TSGA13: variants seen among roughly 807,000 people sequenced by gnomAD.
TSGA13 encodes testis-specific gene 13 protein.
In TSGA13, 37 loss-of-function variants were observed where a neutral mutation model predicts 35.1. The observed-to-expected ratio is 1.05, with a 90% CI of 0.81 to 1.39. The LOEUF (loss-of-function observed/expected upper bound fraction) is 1.39, where lower values mean the gene tolerates loss of function less well. TSGA13 is among the 40% of genes most tolerant of loss of function. TSGA13 has a pLI of 0.00. For missense variants in TSGA13, 338 were observed against 328.5 expected (o/e 1.03, Z -0.22); for synonymous variants, 124 against 121.2 (o/e 1.02, Z -0.15).
chr7:130,672,212 C>T (rs1251568941), intron 6 of TSGA13, among the ~76,000 whole-genome samples: 2 of 152,094 alleles, frequency 1.3e-5, no homozygotes, highest in Non-Finnish European at 2.9e-5. Flanking sequence ...TTAAAGTTGG[C>T]TACATTCTCA....
At chr7:130,672,509 T>G (rs1554463302) in intron 6 of TSGA13, among the ~76,000 whole-genome samples, 1 of 152,152 alleles carries the variant, frequency 6.6e-6, no homozygotes, top group African/African-American at 2.4e-5. Flanking sequence ...CCTTGGAATA[T>G]TTCCCCTCAA....
rs782281758 is a variant in TSGA13, at chr7:130,671,771, T to A, written c.548A>T (p.Asp183Val). 18 of 1,593,568 alleles carry A rather than the reference T, an allele frequency of 1.1e-5. No homozygotes were observed. The highest frequency in any genetic ancestry group is 1.5e-5 in the Non-Finnish European group (17 of 1,167,124). ...EQWFRFSTDN[D>V]FKSEGKYSKV... The stretch of plus-strand genomic sequence containing the variant: ...TGAATACTTCCCTTCGCTCTTGAAA[T>A]CATTGTCAGTGGAAAACCTTAACAA... The change falls in exon 7 of 8, where the codon GAT becomes GTT. Residue 183 changes from aspartate to valine, a missense_variant. By Grantham distance (152) the Asp-to-Val change is radical. Transcript: ENST00000356588.
chr7:130,673,078 A>G (rs969570688), intron 5 of TSGA13, among the ~76,000 whole-genome samples: 3 of 152,220 alleles, frequency 2.0e-5, no homozygotes, highest in African/African-American at 4.8e-5. Flanking sequence ...TTGCCAGATT[A>G]CTTGTCCAAA....
rs1554464994 is a variant in TSGA13 at position 130,680,968 on chromosome 7, T to A, written c.152A>T (p.His51Leu). 5 of 1,614,052 alleles carry A rather than the reference T, an allele frequency of 3.1e-6. No homozygotes were observed. In the South Asian group the frequency reaches 5.5e-5, roughly 18 times the overall value. ...TACCAAATTTGGATGGACTGTGTAA[T>A]GCCGAAGGTTCTCTAGAACAAATTT... ...QSKFVLENLR[H>L]YTVHPNLAQY... The change falls in exon 4 of 8, where the codon CAT (histidine) becomes CTT (leucine). Residue 51 changes from histidine (H) to leucine (L), a missense_variant. By Grantham distance (99) the His-to-Leu change is moderately conservative. Transcript: ENST00000356588.
At chr7:130,681,564 A>G (rs1227347071) in intron 3 of TSGA13, among the ~76,000 whole-genome samples, 1 of 152,268 alleles carries the variant, frequency 6.6e-6, no homozygotes, top group Non-Finnish European at 1.5e-5. Flanking sequence ...AATTTTGAAC[A>G]TCTCTGCAGT....
Position 130,681,026 on chromosome 7 carries a change from G to T in TSGA13, c.103-9C>A. 1 of 1,613,892 alleles carries T rather than the reference G, an allele frequency of 6.2e-7. No homozygotes were observed. Among genetic ancestry groups the T allele is most frequent in the Non-Finnish European group, 8.5e-7 (1 of 1,179,770 alleles). On this transcript the variant is annotated splice_polypyrimidine_tract_variant and intron_variant, in intron 3 of 7. Transcript: ENST00000356588. ...CCGACTGCATCAGAAATCTAAAGAG[G>T]ATAATCAAAGTTAGTGGTTTGAAGT...
chr7:130,682,380 A>G (rs992606142), intron 3 of TSGA13, among the ~76,000 whole-genome samples: 72 of 152,026 alleles, frequency 4.7e-4, no homozygotes, highest in Non-Finnish European at 6.0e-4. Context: ...TTGGCCTCCC[A>G]AAGTGCTGGG....
intron 5 of TSGA13, among the ~76,000 whole-genome samples, chr7:130,676,154 G>A (rs923420375): frequency 6.6e-6 from 1 of 152,160 alleles, no homozygotes; most frequent in Non-Finnish European, 1.5e-5. Flanking sequence ...TGCTTTTCTT[G>A]TAAATGATTC....
intron 2 of TSGA13, among the ~76,000 whole-genome samples, chr7:130,684,390 G>C (rs1796614311): frequency 6.6e-6 from 1 of 152,180 alleles, no homozygotes; most frequent in Non-Finnish European, 1.5e-5. Flanking sequence ...TTTGCTGCCA[G>C]AACATAATGT....
In TSGA13 at chr7:130,671,946, A is replaced by G. The variant is rs192462106; in HGVS notation, c.531-158T>C. On this transcript the variant is annotated intron_variant, in intron 6 of 7. Coordinates refer to ENST00000356588, the MANE Select transcript of TSGA13 (RefSeq NM_052933.4). ...TGTTCTGTCACCCAAGCTGGAGTGC[A>G]GTGGCATGATCTTGGTTCACTGCAA... 4.4e-3 allele frequency among the ~76,000 whole-genome samples: 667 copies of G among 152,064 alleles called. 6 individuals carry two copies. The highest frequency in any genetic ancestry group is 0.015 in the African/African-American group (639 of 41,448).
At chr7:130,670,739 GCCC>G (rs1563077560) in intron 7 of TSGA13, among the ~76,000 whole-genome samples, 1 of 151,928 alleles carries the variant, frequency 6.6e-6, no homozygotes, top group African/African-American at 2.4e-5. Context: ...CCTTCCTCAA[GCCC>G]CCCAAGTAGC....
chr7:130,681,879 G>GA (rs1563081310), intron 3 of TSGA13, among the ~76,000 whole-genome samples: 2 of 151,610 alleles, frequency 1.3e-5, no homozygotes, highest in African/African-American at 4.8e-5. Flanking sequence ...TCAGAAATCG[G>GA]AAAAAAAGAA....
chr7:130,686,041 G>T (rs781938189), intron 1 of TSGA13, among the ~76,000 whole-genome samples: 6 of 152,090 alleles, frequency 3.9e-5, no homozygotes, highest in Non-Finnish European at 8.8e-5. Flanking sequence ...ACATTATAGG[G>T]GCCTTGACAA....
Position 130,668,644 on chromosome 7 carries a change from C to G in TSGA13, c.*370G>C, listed in dbSNP as rs1255353396. 2 of 1,542,724 alleles carry G rather than the reference C, an allele frequency of 1.3e-6. No individual in the cohort carries two copies. Among genetic ancestry groups the G allele is most frequent in the African/African-American group, 2.9e-5 (2 of 69,682 alleles). On this transcript the variant is annotated 3_prime_UTR_variant, in exon 8 of 8. Coordinates refer to ENST00000356588, the MANE Select transcript of TSGA13 (RefSeq NM_052933.4). ...GCCCCGCGCGTACCAGACTCCTCGTCCTTCTTGTCGAATTTTTTAATCATC... is the reference window on the plus strand; with the variant it reads ...GCCCCGCGCGTACCAGACTCCTCGTGCTTCTTGTCGAATTTTTTAATCATC...
At chr7:130,675,972 A>G (rs1796402386) in intron 5 of TSGA13, among the ~76,000 whole-genome samples, 2 of 152,232 alleles carry the variant, frequency 1.3e-5, no homozygotes, top group South Asian at 4.1e-4. Context: ...CTGTTGTACA[A>G]AATAGAACTT....
intron 7 of TSGA13, among the ~76,000 whole-genome samples, 172 bp from the exon 8 acceptor site, chr7:130,669,355 CTTCAT>C (rs2116288487): frequency 6.6e-6 from 1 of 152,276 alleles, no homozygotes; most frequent in South Asian, 2.1e-4. Context: ...TTTTGGATTC[CTTCAT>C]TTCATCAAAA....
chr7:130,679,345 T>C lies in TSGA13; in HGVS notation c.197A>G (p.Lys66Arg). Residue 66 changes from lysine (K) to arginine (R), a missense_variant, in exon 5 of 8, where the codon AAG (lysine) becomes AGG (arginine). Coordinates refer to ENST00000356588, the MANE Select transcript of TSGA13 (RefSeq NM_052933.4). ...CAGGAATTTCTGCAGGGCAGTGGCC[T>C]TCAAAGGCTTATAGTACTGGGCCTG... ...PNLAQYYKPL[K>R]ATALQKFLAQ... is the part of the protein sequence containing the mutation. 4 of 1,612,912 alleles carry C rather than the reference T, an allele frequency of 2.5e-6. No homozygotes were observed. Among genetic ancestry groups the C allele is most frequent in the Non-Finnish European group, 3.4e-6 (4 of 1,179,416 alleles).
chr7:130,682,244 T>TGGGATTACAGGCTCCC (rs1796565354), intron 3 of TSGA13, among the ~76,000 whole-genome samples: 1 of 151,988 alleles, frequency 6.6e-6, no homozygotes, highest in South Asian at 2.1e-4. Context: ...CTCAGCCTCC[T>TGGGATTACAGGCTCCC]GAGTAGCTGG....
rs1563077976 is a variant in TSGA13, at chr7:130,671,772, CATT to C, written c.544_546del (p.Asn182del). 1.9e-6 allele frequency: 3 copies of C among 1,593,146 alleles called. No individual in the cohort carries two copies. The highest frequency in any genetic ancestry group is 2.3e-5 in the South Asian group (2 of 88,264). ...GAATACTTCCCTTCGCTCTTGAAAT[CATT>C]GTCAGTGGAAAACCTTAACAAAGAA... On this transcript the variant is annotated inframe_deletion, in exon 7 of 8. Transcript: ENST00000356588.
Sources: gnomAD v4.1 joint callset for allele counts (sites outside exome capture counted in the v4.1 genomes callset) on GRCh38, gnomAD v4.1.1 for gene constraint, MANE v1.5 for transcripts, NCBI Gene and HGNC (gene_info 2026-07-23, HGNC 2026-07-21) for gene names.